DSCAM: variants seen among roughly 807,000 people sequenced by gnomAD.
DSCAM encodes the protein cell adhesion molecule DSCAM.
DSCAM carries 47 observed loss-of-function variants against 217.7 expected under a neutral mutation model. The ratio of observed to expected loss-of-function variants is 0.22; its 90% confidence interval spans 0.17 to 0.28. DSCAM has a LOEUF of 0.28. DSCAM is among the 10% of genes least tolerant of loss of function. The pLI is 1.00. For synonymous variants in DSCAM, 1,056 were observed against 1,015.3 expected (o/e 1.04, Z -0.76); for missense variants, 2,080 against 2,618.3 (o/e 0.79, Z 4.49).
At chr21:40,595,693 T>G (rs1262616868) in intron 3 of DSCAM, among the ~76,000 whole-genome samples, 1 of 152,208 alleles carries the variant, frequency 6.6e-6, no homozygotes, top group Non-Finnish European at 1.5e-5. Flanking sequence ...ATACTCTGGT[T>G]CCAATTTATA....
intron 19 of DSCAM, among the ~76,000 whole-genome samples, chr21:40,127,296 C>T (rs886637598): frequency 1.3e-5 from 2 of 152,192 alleles, no homozygotes; most frequent in African/African-American, 4.8e-5. Flanking sequence ...GAATGACAAA[C>T]ACCAGACACT....
intron 3 of DSCAM, among the ~76,000 whole-genome samples, chr21:40,510,080 G>A (rs1458666979): frequency 1.3e-5 from 2 of 151,962 alleles, no homozygotes; most frequent in African/African-American, 4.8e-5. Flanking sequence ...AGCTGAGATC[G>A]CCCCACTGCA....
intron 1 of DSCAM, among the ~76,000 whole-genome samples, chr21:40,735,131 C>T (rs928819772): frequency 6.6e-6 from 1 of 152,220 alleles, no homozygotes; most frequent in African/African-American, 2.4e-5. Context: ...GCATGTATCA[C>T]ACTGAGGGTA....
intron 3 of DSCAM, among the ~76,000 whole-genome samples, chr21:40,371,227 T>C (rs1252506351): frequency 6.6e-6 from 1 of 152,188 alleles, no homozygotes; most frequent in African/African-American, 2.4e-5. Context: ...TAATTTTGCT[T>C]TATTATTCCC....
chr21:40,789,069 C>T (rs888667446), intron 1 of DSCAM, among the ~76,000 whole-genome samples: 2 of 151,962 alleles, frequency 1.3e-5, no homozygotes. Context: ...TACTAGGGGT[C>T]TGTGAAAAGC....
intron 1 of DSCAM, among the ~76,000 whole-genome samples, chr21:40,793,855 G>T (rs564731640): frequency 6.6e-6 from 1 of 152,006 alleles, no homozygotes; most frequent in Non-Finnish European, 1.5e-5. Context: ...GTCTGGCTTA[G>T]ACAAAAAATC....
chr21:40,598,807 CT>C (rs2077041494), intron 3 of DSCAM, among the ~76,000 whole-genome samples: 1 of 152,066 alleles, frequency 6.6e-6, no homozygotes, highest in Admixed American at 6.6e-5. Context: ...CTGGCCCAAA[CT>C]GTCTTTTAAA....
At chr21:40,255,264 G>A (rs1286826169) in intron 11 of DSCAM, among the ~76,000 whole-genome samples, 2 of 152,092 alleles carry the variant, frequency 1.3e-5, no homozygotes, top group Admixed American at 6.6e-5. Flanking sequence ...CGTTTTTGTG[G>A]TGTGATTCAT....
chr21:40,293,264 C>G (rs1357665674), intron 10 of DSCAM, among the ~76,000 whole-genome samples: 1 of 152,070 alleles, frequency 6.6e-6, no homozygotes, highest in East Asian at 1.9e-4. Context: ...CTGGAAAGGA[C>G]CTTAAAGGGA....
At chr21:40,508,759 ATATATATATATATATATATATATATTT>A (rs1457893383) in intron 3 of DSCAM, among the ~76,000 whole-genome samples, 530 of 5,652 alleles carry the variant, frequency 0.094, 15 homozygotes, top group African/African-American at 0.11. Flanking sequence ...ATATATATAT[ATATATATATATATATATATATATATTT>A]TTTTTTTTTT....
chr21:40,055,931 C>G (rs925250311), intron 28 of DSCAM, 91 bp from the exon 29 acceptor site: 3 of 894,760 alleles, frequency 3.4e-6, no homozygotes, highest in Non-Finnish European at 5.5e-6. Context: ...AGTTTATTGT[C>G]TAAATATACA....
chr21:40,408,304 C>T (rs186757990), intron 3 of DSCAM, among the ~76,000 whole-genome samples: 4 of 151,712 alleles, frequency 2.6e-5, no homozygotes, highest in African/African-American at 9.7e-5. Context: ...GGTGGGGGGA[C>T]AGGACACTGA....
At chr21:40,344,577 A>G (rs2074537727) in intron 6 of DSCAM, among the ~76,000 whole-genome samples, 1 of 152,124 alleles carries the variant, frequency 6.6e-6, no homozygotes, top group African/African-American at 2.4e-5. Flanking sequence ...TTTCTTTTCA[A>G]CATTTTAAAG....
intron 22 of DSCAM, among the ~76,000 whole-genome samples, 164 bp downstream of exon 22, chr21:40,087,006 C>T (rs1419717194): frequency 6.6e-6 from 1 of 152,204 alleles, no homozygotes; most frequent in Non-Finnish European, 1.5e-5. Context: ...AGTGCTAAAG[C>T]TGAGATTCCT....
intron 2 of DSCAM, 75 bp from the exon 3 acceptor site, chr21:40,693,031 A>G: frequency 1.3e-6 from 2 of 1,512,888 alleles, no homozygotes; most frequent in South Asian, 2.5e-5. Context: ...ACTGTAATAT[A>G]TACACTGCAG....
chr21:40,709,950 C>T (rs1435863114), intron 1 of DSCAM, among the ~76,000 whole-genome samples: 2 of 152,186 alleles, frequency 1.3e-5, no homozygotes, highest in Non-Finnish European at 2.9e-5. Context: ...ATTTACACTC[C>T]CACCAACAGT....
intron 3 of DSCAM, among the ~76,000 whole-genome samples, chr21:40,557,500 G>A (rs999516195): frequency 3.9e-5 from 6 of 151,956 alleles, no homozygotes; most frequent in South Asian, 4.2e-4. Context: ...GACTACAGGC[G>A]CCCAACACCG....
intron 11 of DSCAM, among the ~76,000 whole-genome samples, chr21:40,248,492 C>A (rs999456838): frequency 6.6e-6 from 1 of 152,182 alleles, no homozygotes; most frequent in Non-Finnish European, 1.5e-5. Context: ...TGCTGCCAGT[C>A]TCTTTGCTAA....
chr21:40,116,620 T>C (rs2146650709), intron 20 of DSCAM, among the ~76,000 whole-genome samples: 1 of 152,038 alleles, frequency 6.6e-6, no homozygotes, highest in East Asian at 1.9e-4. Context: ...ATTCATTACA[T>C]GTGCGTAAAT....
Sources: gnomAD v4.1 joint callset for allele counts (sites outside exome capture counted in the v4.1 genomes callset) on GRCh38, gnomAD v4.1.1 for gene constraint, MANE v1.5 for transcripts, NCBI Gene and HGNC (gene_info 2026-07-23, HGNC 2026-07-21) for gene names.